Variants in EIF2AK4 observed in about 807,000 individuals in gnomAD.
EIF2AK4 encodes eukaryotic translation initiation factor 2 alpha kinase 4.
A neutral mutation model predicts 211.1 loss-of-function variants in EIF2AK4; 139 were observed. The observed-to-expected ratio is 0.66, with a 90% CI of 0.57 to 0.76. The LOEUF (loss-of-function observed/expected upper bound fraction) is 0.76. EIF2AK4 is among the 30% of genes least tolerant of loss of function. The pLI, the probability that EIF2AK4 is intolerant of heterozygous loss-of-function variation, is 0.00. For missense variants in EIF2AK4, 1,664 were observed against 2,043.8 expected, an observed-to-expected ratio of 0.81 and a Z score of 3.58; for synonymous variants, 710 against 751.3, an observed-to-expected ratio of 0.94 and a Z score of 0.90.
chr15:39,984,516 C>T (rs1156525729), intron 13 of EIF2AK4, among the ~76,000 whole-genome samples: 7 of 152,158 alleles, frequency 4.6e-5, no homozygotes, highest in Admixed American at 2.6e-4. Context: ...TTTGTGTCCT[C>T]TTTTATTTCA....
intron 4 of EIF2AK4, among the ~76,000 whole-genome samples, chr15:39,953,643 T>C (rs1159168697): frequency 1.3e-5 from 2 of 152,178 alleles, no homozygotes; most frequent in Non-Finnish European, 2.9e-5. Context: ...GGAAATCTCC[T>C]GCACATAGAA....
intron 32 of EIF2AK4, among the ~76,000 whole-genome samples, 157 bp downstream of exon 32, chr15:40,022,762 G>A (rs559151210): frequency 2.0e-5 from 3 of 151,680 alleles, no homozygotes; most frequent in Middle Eastern, 3.4e-3. Context: ...TTGAGACGGA[G>A]TCTCGCTGTC....
Position 40,029,387 on chromosome 15 carries a change from T to A in EIF2AK4, c.4503-19T>A. ...CCTTATTGACTGTTCTTTAATTGTT[T>A]TTGTTTGCTTGTTTTTAGAGAAGCT... On this transcript the variant is annotated intron_variant, in intron 33 of 38. Transcript: ENST00000263791. 6.2e-7 allele frequency: 1 copy of A among 1,611,952 alleles called. No individual in the cohort carries two copies. Among genetic ancestry groups the A allele is most frequent in the South Asian group, 1.1e-5 (1 of 90,980 alleles).
At chr15:40,034,911 C>G (rs1468617325) in intron 38 of EIF2AK4, 116 bp from the exon 39 acceptor site, 2 of 706,810 alleles carry the variant, frequency 2.8e-6, no homozygotes, top group African/African-American at 3.5e-5. Flanking sequence ...TAATGACTAG[C>G]CTTCCATCTT....
At chr15:39,966,774 A>T (rs1270010308) in intron 8 of EIF2AK4, among the ~76,000 whole-genome samples, 1 of 152,198 alleles carries the variant, frequency 6.6e-6, no homozygotes, top group Non-Finnish European at 1.5e-5. Flanking sequence ...CATAGATAAC[A>T]TGTGGGTATT....
At chr15:39,942,610 A>G (rs1414231976) in intron 2 of EIF2AK4, among the ~76,000 whole-genome samples, 3 of 152,094 alleles carry the variant, frequency 2.0e-5, no homozygotes, top group African/African-American at 7.2e-5. Context: ...AATCTGAGAG[A>G]GTTGTTATTG....
intron 17 of EIF2AK4, 75 bp from the exon 18 acceptor site, chr15:39,992,694 C>A: frequency 7.4e-7 from 1 of 1,351,498 alleles, no homozygotes; most frequent in South Asian, 1.2e-5. Context: ...TTTAAGAAAC[C>A]TTTTTTTGTT....
chr15:40,028,151 T>C (rs1157394284), intron 33 of EIF2AK4, among the ~76,000 whole-genome samples: 1 of 151,794 alleles, frequency 6.6e-6, no homozygotes, highest in Non-Finnish European at 1.5e-5. Flanking sequence ...TGACTCACTA[T>C]AGCCTTAACC....
Position 40,029,435 on chromosome 15 carries a change from A to G in EIF2AK4, c.4532A>G (p.Asn1511Ser), listed in dbSNP as rs200220823. 10 of 1,613,156 alleles carry G rather than the reference A, an allele frequency of 6.2e-6. No individual in the cohort carries two copies. In the Admixed American group the frequency reaches 1.7e-4, roughly 27 times the overall value. The change falls in exon 34 of 39, where the codon AAT becomes AGT. Residue 1511 changes from asparagine (N) to serine (S), a missense_variant. Asn to Ser is a conservative substitution (Grantham distance 46). Around this residue, in one of 7 missense-constraint regions of EIF2AK4, gnomAD observed 138 missense variants for 165.1 expected, o/e 0.84. Coordinates refer to ENST00000263791, the MANE Select transcript of EIF2AK4 (RefSeq NM_001013703.4). ...GCTTCCGATAATCTTGCAGTGCAAA[A>G]TCTGAAGGGGTCATTTTCTAATGCT... ...REASDNLAVQ[N>S]LKGSFSNASG...
At position 39,988,119 on chromosome 15, in the gene EIF2AK4, C is replaced by A. The variant is rs1465170386; in HGVS notation, c.2526+14C>A. 9 of 1,613,030 alleles carry A rather than the reference C, an allele frequency of 5.6e-6. No homozygotes were observed. Among genetic ancestry groups the A allele is most frequent in the Non-Finnish European group, 7.6e-6 (9 of 1,179,522 alleles). ...ATCCATGAGAAAGTAAACTTTACAA[C>A]ATTTCATATCTGAAGACTTATGTTT... On this transcript the variant is annotated intron_variant, in intron 15 of 38. Transcript: ENST00000263791.
At chr15:39,987,811 AG>A (rs1281566318) in intron 14 of EIF2AK4, among the ~76,000 whole-genome samples, 171 bp from the exon 15 acceptor site, 2 of 152,326 alleles carry the variant, frequency 1.3e-5, no homozygotes, top group Middle Eastern at 3.4e-3. Context: ...TTTACCCCCA[AG>A]GTATTTTTTA....
chr15:39,994,117 T>G (rs1186544906), intron 18 of EIF2AK4, among the ~76,000 whole-genome samples: 3 of 152,126 alleles, frequency 2.0e-5, no homozygotes, highest in African/African-American at 7.2e-5. Context: ...AAAAATTCAG[T>G]TTGAGGCATG....
chr15:40,006,705 T>C (rs2035166446), intron 23 of EIF2AK4, among the ~76,000 whole-genome samples: 1 of 152,144 alleles, frequency 6.6e-6, no homozygotes, highest in East Asian at 1.9e-4. Context: ...CTAATTTTAG[T>C]TGGACATAAT....
At chr15:40,010,850 C>T (rs1334387842) in intron 26 of EIF2AK4, among the ~76,000 whole-genome samples, 2 of 152,118 alleles carry the variant, frequency 1.3e-5, no homozygotes, top group African/African-American at 4.8e-5. Context: ...GGCAGAAACC[C>T]CAGGGATTGT....
Position 39,973,715 on chromosome 15 carries a change from T to A in EIF2AK4, c.1784T>A (p.Leu595His). ...TTCATTGAGTTTGAAGAATTACAAC[T>A]TCTTGGTAAAGGAGCTTTTGGAGCT... Reference protein sequence around the residue: ...RYFIEFEELQLLGKGAFGAVI... With the variant: ...RYFIEFEELQHLGKGAFGAVI... Residue 595 changes from leucine (L) to histidine (H), a missense_variant, in exon 11 of 39, where the codon CTT (leucine) becomes CAT (histidine). By Grantham distance (99) the Leu-to-His change is moderately conservative. This residue lies in a region of EIF2AK4 where 641 missense variants were observed against 729.6 expected (regional missense o/e 0.88). Transcript: ENST00000263791. 1 of 1,614,160 alleles carries A rather than the reference T, an allele frequency of 6.2e-7. No homozygotes were observed. The highest frequency in any genetic ancestry group is 1.1e-5 in the South Asian group (1 of 91,070).
chr15:40,009,099 G>GTTTTGTTTTA (rs2035202394), intron 25 of EIF2AK4, among the ~76,000 whole-genome samples: 1 of 150,090 alleles, frequency 6.7e-6, no homozygotes, highest in Non-Finnish European at 1.5e-5. Flanking sequence ...GTTTTGTTTT[G>GTTTTGTTTTA]TTTTGTTTTG....
chr15:39,972,217 G>C (rs1331715765), intron 9 of EIF2AK4, among the ~76,000 whole-genome samples: 4 of 151,984 alleles, frequency 2.6e-5, no homozygotes, highest in Admixed American at 6.5e-5. Context: ...AAATTAGCCA[G>C]GCCTGGTGGT....
At chr15:39,973,926 C>T in intron 11 of EIF2AK4, 177 bp downstream of exon 11, 1 of 609,020 alleles carries the variant, frequency 1.6e-6, no homozygotes, top group African/African-American at 1.9e-5. Flanking sequence ...TTACGCTGGA[C>T]ACAGTTGAGA....
At chr15:40,030,202 G>A (rs2035521360) in intron 34 of EIF2AK4, among the ~76,000 whole-genome samples, 157 bp from the exon 35 acceptor site, 1 of 152,162 alleles carries the variant, frequency 6.6e-6, no homozygotes, top group African/African-American at 2.4e-5. Flanking sequence ...CCTATCCGGT[G>A]CAGATGGTTG....
Sources: gnomAD v4.1 joint callset for allele counts (sites outside exome capture counted in the v4.1 genomes callset) on GRCh38, gnomAD v4.1.1 for gene constraint, gnomAD v4.1.1 regional missense constraint, MANE v1.5 for transcripts, NCBI Gene and HGNC (gene_info 2026-07-23, HGNC 2026-07-21) for gene names.